SEMA4A: variants seen among roughly 807,000 people sequenced by gnomAD.
The protein encoded by SEMA4A is semaphorin 4A.
SEMA4A carries 52 observed loss-of-function variants against 72.5 expected under a neutral mutation model. The observed-to-expected ratio is 0.72, with a 90% CI of 0.57 to 0.90. The LOEUF is 0.90. SEMA4A is among the 40% of genes least tolerant of loss of function. The probability of loss-of-function intolerance (pLI) is 0.00; values close to 1 mark genes in which losing one functional copy is unlikely to be tolerated. For synonymous variants in SEMA4A, 369 were observed against 393.1 expected, an observed-to-expected ratio of 0.94 and a Z score of 0.73; for missense variants, 926 against 959.7, an observed-to-expected ratio of 0.96 and a Z score of 0.46.
intron 3 of SEMA4A, 146 bp downstream of exon 3, chr1:156,156,720 A>G (rs1653069380): frequency 2.6e-6 from 2 of 778,402 alleles, no homozygotes; most frequent in Non-Finnish European, 4.1e-6. Flanking sequence ...TGACAATATA[A>G]CAGACAGGAA....
At chr1:156,172,737 G>C in intron 10 of SEMA4A, 89 bp from the exon 11 acceptor site, 1 of 1,213,288 alleles carries the variant, frequency 8.2e-7, no homozygotes, top group Non-Finnish European at 1.2e-6. Flanking sequence ...CCATGAGGGA[G>C]GGGGTAAAGG....
chr1:156,148,824 T>C (rs1345288673), upstream of SEMA4A, among the ~76,000 whole-genome samples: 6 of 141,676 alleles, frequency 4.2e-5, no homozygotes, highest in African/African-American at 1.6e-4. Context: ...TTTTTTGAGA[T>C]GGAGTTTCGC....
At chr1:156,167,052 C>G (rs903797491) in intron 10 of SEMA4A, among the ~76,000 whole-genome samples, 2 of 152,062 alleles carry the variant, frequency 1.3e-5, no homozygotes, top group Non-Finnish European at 2.9e-5. Context: ...AAGCACCCAC[C>G]ACCACACCCA....
At chr1:156,163,198 C>T in intron 10 of SEMA4A, 104 bp downstream of exon 10, 3 of 1,327,250 alleles carry the variant, frequency 2.3e-6, no homozygotes, top group Non-Finnish European at 2.1e-6. Flanking sequence ...TAGTGCTCTC[C>T]ACCCCACCAA....
At position 156,171,623 on chromosome 1, in the gene SEMA4A, C is replaced by A. The variant is rs554903265; in HGVS notation, c.1135-1203C>A. Among the ~76,000 whole-genome samples, 3 of 152,126 alleles carry A rather than the reference C, an allele frequency of 2.0e-5. No homozygotes were observed. In the South Asian group the frequency reaches 6.2e-4, roughly 32 times the overall value. ...ACACAGTTTCACTCTGTTGCCCAGG[C>A]TGGAGTACAGTGGCACAATCTTGGG... On this transcript the variant is annotated intron_variant, in intron 10 of 14. Transcript: ENST00000368285.
rs542774465 is a variant in SEMA4A, at chr1:156,177,482, G to C, written c.*485G>C. The C allele has an allele frequency of 4.2e-6, 1 of 235,566 alleles. No homozygotes were observed. Among genetic ancestry groups the C allele is most frequent in the African/African-American group, 2.3e-5 (1 of 44,396 alleles). The allele number at this position is 235,566 out of a possible 1,614,324, so 14.6% of individuals were successfully genotyped here. A position where few individuals can be genotyped will look rare whatever the true frequency, so the allele number is the denominator to read the frequency against. On this transcript the variant is annotated 3_prime_UTR_variant, in exon 15 of 15. Transcript: ENST00000368285. ...TTCTCCCAGGGTCATGCAGGGATCT[G>C]CTCCCTCCTGCTTCCCTTACCAGTC...
In SEMA4A at chr1:156,154,863, C is replaced by T. The variant is rs542649098; in HGVS notation, c.139+146C>T. 83 of 1,024,216 alleles carry T rather than the reference C, an allele frequency of 8.1e-5. No individual in the cohort carries two copies. In the African/African-American group the frequency reaches 9.7e-4, roughly 12 times the overall value. The allele number at this position is 1,024,216 out of a possible 1,614,324, so 63.4% of individuals were successfully genotyped here. ...GATGCCAGGGAGAAACAGAGGATCT[C>T]GGAGAAAGAGAGACACAGCCAGAAA... On this transcript the variant is annotated intron_variant, in intron 2 of 14. Coordinates refer to ENST00000368285, the MANE Select transcript of SEMA4A (RefSeq NM_022367.4).
intron 2 of SEMA4A, 37 bp downstream of exon 2, chr1:156,154,754 T>C (rs974607236): frequency 6.4e-7 from 1 of 1,562,878 alleles, no homozygotes; most frequent in African/African-American, 1.3e-5. Context: ...GGGATAGCAA[T>C]AGAGAGCTGG....
rs995354278 is a variant in SEMA4A, at chr1:156,161,200, A to G, written c.811-146A>G. 7.2e-6 allele frequency: 3 copies of G among 414,772 alleles called. No homozygotes were observed. In the African/African-American group the frequency reaches 1.0e-4, roughly 14 times the overall value. 25.7% of individuals were successfully genotyped at this position (414,772 alleles called of 1,614,324 possible). On this transcript the variant is annotated intron_variant, in intron 8 of 14. Coordinates refer to ENST00000368285, the MANE Select transcript of SEMA4A (RefSeq NM_022367.4). ...CGGGGCTGGGCGGGTGGGGCGGGGGACAAGCGTGGCTGAGGGGGCGGGGTG... is the reference window on the plus strand; with the variant it reads ...CGGGGCTGGGCGGGTGGGGCGGGGGGCAAGCGTGGCTGAGGGGGCGGGGTG...
At position 156,167,283 on chromosome 1, in the gene SEMA4A, G is replaced by A. The variant is rs559894715; in HGVS notation, c.1134+4189G>A. On this transcript the variant is annotated intron_variant, in intron 10 of 14. Transcript: ENST00000368285. Reference sequence around the variant, plus strand: ...GTGGAAGGATTGTTTGAGCCCAGGAGTTTGAGAGCAGCCTGGGCAATATAG... The same window carrying A: ...GTGGAAGGATTGTTTGAGCCCAGGAATTTGAGAGCAGCCTGGGCAATATAG... Among the ~76,000 whole-genome samples the A allele has an allele frequency of 4.6e-5, 7 of 151,950 alleles. No homozygotes were observed. The East Asian group carries it at 5.9e-4, about 13-fold the overall frequency.
chr1:156,161,716 G>A (rs1383929897), intron 9 of SEMA4A, 198 bp downstream of exon 9: 1 of 587,760 alleles, frequency 1.7e-6, no homozygotes, highest in East Asian at 3.0e-5. Flanking sequence ...GACGCAGAGA[G>A]GTTCTAACTA....
In SEMA4A at chr1:156,177,085, G is replaced by A; in HGVS notation, c.*88G>A. The A allele has an allele frequency of 1.7e-6, 2 of 1,155,160 alleles. No homozygotes were observed. Among genetic ancestry groups the A allele is most frequent in the Non-Finnish European group, 2.5e-6 (2 of 787,160 alleles). 71.6% of individuals were successfully genotyped at this position (1,155,160 alleles called of 1,614,324 possible). A position where few individuals can be genotyped will look rare whatever the true frequency, so the allele number is the denominator to read the frequency against. On this transcript the variant is annotated 3_prime_UTR_variant, in exon 15 of 15. Transcript: ENST00000368285. ...CACAGCCCTGACTAGGATGACAGCA[G>A]CACAAAAGACCACCTTTCTCCCCTG...
At chr1:156,161,307 G>GGCGGGGT (rs761627358) in intron 8 of SEMA4A, 39 bp from the exon 9 acceptor site, 2 of 1,263,560 alleles carry the variant, frequency 1.6e-6, no homozygotes. Context: ...GGGGGGTCGG[G>GGCGGGGT]GCGCCCGGGG....
Position 156,161,357 on chromosome 1 carries a change from C to T in SEMA4A, c.822C>T (p.Gly274=), listed in dbSNP as rs761522614. The T allele has an allele frequency of 2.3e-5, 33 of 1,428,774 alleles. No individual in the cohort carries two copies. The highest frequency in any genetic ancestry group is 7.3e-5 in the African/African-American group (5 of 68,226). 88.5% of individuals were successfully genotyped at this position (1,428,774 alleles called of 1,614,324 possible). A position where few individuals can be genotyped will look rare whatever the true frequency, so the allele number is the denominator to read the frequency against. ...RVARVCKNDV[G]GEKLLQKKWT... ...CCCTGTGCCCCCAGAATGACGTGGG[C>T]GGCGAAAAGCTGCTGCAGAAGAAGT... Residue 274 remains glycine (G), a synonymous_variant, in exon 9 of 15, where the codon GGC becomes GGT. Coordinates refer to ENST00000368285, the MANE Select transcript of SEMA4A (RefSeq NM_022367.4).
chr1:156,175,712 C>A lies in SEMA4A; in HGVS notation c.1693+56C>A, dbSNP rs1282923800. ...GCAAAGGCTCTGGAAGACTTTTGGG[C>A]AGGGGTGGGCATTCCTGCTCCAATT... On this transcript the variant is annotated intron_variant, in intron 14 of 14. Transcript: ENST00000368285. 4 of 1,256,508 alleles carry A rather than the reference C, an allele frequency of 3.2e-6. No homozygotes were observed. The East Asian group carries it at 1.0e-4, about 31-fold the overall frequency. The allele number at this position is 1,256,508 out of a possible 1,614,324, so 77.8% of individuals were successfully genotyped here. A position where few individuals can be genotyped will look rare whatever the true frequency, so the allele number is the denominator to read the frequency against.
chr1:156,158,548 C>G lies in SEMA4A; in HGVS notation c.462+62C>G, dbSNP rs1156841218. 7.7e-6 allele frequency: 11 copies of G among 1,428,262 alleles called. No individual in the cohort carries two copies. The Admixed American group carries it at 1.7e-4, about 22-fold the overall frequency. The allele number at this position is 1,428,262 out of a possible 1,614,324, so 88.5% of individuals were successfully genotyped here. A position where few individuals can be genotyped will look rare whatever the true frequency, so the allele number is the denominator to read the frequency against. Reference sequence around the variant, plus strand: ...CATCCCTTCTCACATCTACCCACGACTTTCCTCTGTAGCTCTGGAAAACTC... The same window carrying G: ...CATCCCTTCTCACATCTACCCACGAGTTTCCTCTGTAGCTCTGGAAAACTC... On this transcript the variant is annotated intron_variant, in intron 5 of 14. Coordinates refer to ENST00000368285, the MANE Select transcript of SEMA4A (RefSeq NM_022367.4).
rs1183653093 is a variant in SEMA4A, at chr1:156,175,596, T to C, written c.1633T>C (p.Trp545Arg). 1 of 1,613,508 alleles carries C rather than the reference T, an allele frequency of 6.2e-7. No individual in the cohort carries two copies. Residue 545 changes from tryptophan to arginine, a missense_variant, in exon 14 of 15, where the codon TGG becomes CGG. Coordinates refer to ENST00000368285, the MANE Select transcript of SEMA4A (RefSeq NM_022367.4). The stretch of plus-strand genomic sequence containing the variant: ...GGACATGGAGCGGGGGAACCCAGAG[T>C]GGGCATGTGCCAGTGGCCCCATGAG... ...KQDMERGNPE[W>R]ACASGPMSRS...
At chr1:156,167,716 C>T (rs1052309210) in intron 10 of SEMA4A, among the ~76,000 whole-genome samples, 13 of 152,188 alleles carry the variant, frequency 8.5e-5, no homozygotes, top group Non-Finnish European at 1.6e-4. Context: ...ATTACTTCAT[C>T]GTGGTTGTGT....
intron 12 of SEMA4A, 22 bp downstream of exon 12, chr1:156,174,962 A>G (rs1655167272): frequency 6.2e-7 from 1 of 1,614,100 alleles, no homozygotes; most frequent in African/African-American, 1.3e-5. Context: ...CCTGACCATC[A>G]AATGGCCTTC....
Sources: gnomAD v4.1 joint callset for allele counts (sites outside exome capture counted in the v4.1 genomes callset) on GRCh38, gnomAD v4.1.1 for gene constraint, MANE v1.5 for transcripts, NCBI Gene and HGNC (gene_info 2026-07-23, HGNC 2026-07-21) for gene names.